The following GPATCH2L variants were observed in gnomAD, a reference collection of about 807,000 sequenced individuals.
GPATCH2L encodes the protein G-patch domain containing 2 like.
A neutral mutation model predicts 57.4 loss-of-function variants in GPATCH2L; 31 were observed. The ratio of observed to expected loss-of-function variants is 0.54; its 90% confidence interval spans 0.41 to 0.73. The LOEUF (loss-of-function observed/expected upper bound fraction) is 0.73, where lower values mean the gene tolerates loss of function less well. GPATCH2L is among the 30% of genes least tolerant of loss of function. The pLI, the probability that GPATCH2L is intolerant of heterozygous loss-of-function variation, is 0.00. For synonymous variants in GPATCH2L, 199 were observed against 210.7 expected, an observed-to-expected ratio of 0.94 and a Z score of 0.48; for missense variants, 481 against 599.9, an observed-to-expected ratio of 0.80 and a Z score of 2.07.
chr14:76,185,566 G>A (rs1020313580), intron 8 of GPATCH2L, among the ~76,000 whole-genome samples: 2 of 152,094 alleles, frequency 1.3e-5, no homozygotes, highest in African/African-American at 4.8e-5. Context: ...TCATGGCAGT[G>A]TTTTAGTTTT....
chr14:76,153,568 A>C (rs2038154345), intron 1 of GPATCH2L: 1 of 152,276 alleles, frequency 6.6e-6, no homozygotes, highest in African/African-American at 2.4e-5. Context: ...ACTGAAGCAC[A>C]TAACTAGGAC....
At chr14:76,173,961 C>A in intron 5 of GPATCH2L, 1 of 327,870 alleles carries the variant, frequency 3.0e-6, no homozygotes, top group Non-Finnish European at 5.5e-6. Context: ...CTCTTGGCTT[C>A]TTTATGACTC....
intron 9 of GPATCH2L, among the ~76,000 whole-genome samples, chr14:76,197,789 G>A (rs1303005741): frequency 6.6e-6 from 1 of 152,186 alleles, no homozygotes; most frequent in Non-Finnish European, 1.5e-5. Flanking sequence ...TCACCAGTGT[G>A]ATGAACAAGA....
In GPATCH2L at chr14:76,211,637, G is replaced by A. The variant is rs1051223371; in HGVS notation, c.*9786G>A. ...TCAAAGTTGTTCAACTACCAGTTAA[G>A]TTTTTTGGGCTTTGTTTCTCAGTAG... is the stretch of plus-strand genomic sequence containing the variant. On this transcript the variant is annotated 3_prime_UTR_variant, in exon 10 of 10. Transcript: ENST00000261530. 2.6e-5 allele frequency: 4 copies of A among 152,184 alleles called. No individual in the cohort carries two copies. Among genetic ancestry groups the A allele is most frequent in the Non-Finnish European group, 4.4e-5 (3 of 68,048 alleles). 9.4% of individuals were successfully genotyped at this position (152,184 alleles called of 1,614,324 possible). A position where few individuals can be genotyped will look rare whatever the true frequency, so the allele number is the denominator to read the frequency against.
intron 8 of GPATCH2L, among the ~76,000 whole-genome samples, chr14:76,189,657 T>C (rs1480252607): frequency 2.6e-5 from 4 of 152,158 alleles, no homozygotes; most frequent in Non-Finnish European, 4.4e-5. Flanking sequence ...AAGGATACTT[T>C]GATGTCTTCC....
chr14:76,182,898 C>T (rs1279561474), intron 8 of GPATCH2L, among the ~76,000 whole-genome samples: 3 of 152,186 alleles, frequency 2.0e-5, no homozygotes, highest in African/African-American at 7.2e-5. Flanking sequence ...TCATAGAAGA[C>T]AACAGGATTT....
chr14:76,178,243 G>A (rs2039418684), intron 7 of GPATCH2L: 1 of 1,503,482 alleles, frequency 6.7e-7, no homozygotes. Context: ...GAATGAATCT[G>A]ATTTGCATAT....
chr14:76,221,153 T>A, intron 1 of GPATCH2L, among the ~76,000 whole-genome samples: 1 of 141,954 alleles, frequency 7.0e-6, no homozygotes. Context: ...AAAGAACTCT[T>A]AAAACTCAGC....
chr14:76,232,011 A>ACTGCAGCCTCACTGCAGACTCACTGC, intron 2 of GPATCH2L, among the ~76,000 whole-genome samples: 1 of 150,440 alleles, frequency 6.6e-6, no homozygotes, highest in Non-Finnish European at 1.5e-5. Context: ...CTGCAGGCTC[A>ACTGCAGCCTCACTGCAGACTCACTGC]AGCAATCTTC....
intron 4 of GPATCH2L, among the ~76,000 whole-genome samples, 197 bp from the exon 5 acceptor site, chr14:76,173,349 G>A (rs2039172442): frequency 6.6e-6 from 1 of 152,026 alleles, no homozygotes; most frequent in Non-Finnish European, 1.5e-5. Flanking sequence ...CTAGGTCAAA[G>A]GTAAATGGCA....
chr14:76,160,236 A>G (rs1379581711), intron 2 of GPATCH2L, among the ~76,000 whole-genome samples: 1 of 152,194 alleles, frequency 6.6e-6, no homozygotes, highest in Non-Finnish European at 1.5e-5. Flanking sequence ...TGATTTTCTG[A>G]CTGAAACTGG....
chr14:76,199,938 G>A (rs2040267374), intron 9 of GPATCH2L, among the ~76,000 whole-genome samples: 1 of 152,134 alleles, frequency 6.6e-6, no homozygotes, highest in Non-Finnish European at 1.5e-5. Flanking sequence ...CTGGATGAAT[G>A]GATGAACACA....
chr14:76,154,785 C>T lies in GPATCH2L; in HGVS notation c.422C>T (p.Ala141Val), dbSNP rs113137278. 1.2e-6 allele frequency: 2 copies of T among 1,614,208 alleles called. No individual in the cohort carries two copies. Among genetic ancestry groups the T allele is most frequent in the Middle Eastern group, 1.6e-4 (1 of 6,062 alleles). ...AAGCGAGTGACATCAGAGGTGGCTG[C>T]TAGCCTTCAGCAGAAGCTGAAGGTG... is the stretch of plus-strand genomic sequence containing the variant. ...KVKRVTSEVA[A>V]SLQQKLKVSD... Residue 141 changes from alanine (A) to valine (V), a missense_variant, in exon 2 of 10, where the codon GCT becomes GTT. Coordinates refer to ENST00000261530, the MANE Select transcript of GPATCH2L (RefSeq NM_017926.4). This position sits in a 1 kb window ranked among gnomAD's most constrained non-coding sequence, Gnocchi z 4.4.
Position 76,178,047 on chromosome 14 carries a change from G to T in GPATCH2L, c.1107+5G>T, listed in dbSNP as rs747142571. 2 of 1,592,934 alleles carry T rather than the reference G, an allele frequency of 1.3e-6. No homozygotes were observed. The highest frequency in any genetic ancestry group is 1.7e-6 in the Non-Finnish European group (2 of 1,162,414). On this transcript the variant is annotated splice_donor_5th_base_variant and intron_variant, in intron 7 of 9. Coordinates refer to ENST00000261530, the MANE Select transcript of GPATCH2L (RefSeq NM_017926.4). Reference sequence around the variant, plus strand: ...ATTTCTGCTTGTGCACATGAGGTAAGGTTTCCTCTTTCTTGTTATTTTGAT... The same window carrying T: ...ATTTCTGCTTGTGCACATGAGGTAATGTTTCCTCTTTCTTGTTATTTTGAT...
chr14:76,179,320 C>T (rs2039468400), intron 7 of GPATCH2L: 1 of 152,088 alleles, frequency 6.6e-6, no homozygotes, highest in African/African-American at 2.4e-5. Flanking sequence ...AAGGACAAAG[C>T]TGAGCAAAAA....
rs1339196008 is a variant in GPATCH2L, at chr14:76,211,939, A to C, written c.*10088A>C. 2.0e-5 allele frequency: 3 copies of C among 152,072 alleles called. No homozygotes were observed. The highest frequency in any genetic ancestry group is 7.2e-5 in the African/African-American group (3 of 41,454). The allele number at this position is 152,072 out of a possible 1,614,324, so 9.4% of individuals were successfully genotyped here. A position where few individuals can be genotyped will look rare whatever the true frequency, so the allele number is the denominator to read the frequency against. On this transcript the variant is annotated 3_prime_UTR_variant, in exon 10 of 10. Coordinates refer to ENST00000261530, the MANE Select transcript of GPATCH2L (RefSeq NM_017926.4). ...ACCAGCATTTTAAATTAGGCGATGC[A>C]GTCTAGCTTTTGTACATAGAAATAA...
chr14:76,169,503 C>A (rs895912242), intron 3 of GPATCH2L, among the ~76,000 whole-genome samples: 1 of 152,144 alleles, frequency 6.6e-6, no homozygotes, highest in Non-Finnish European at 1.5e-5. Flanking sequence ...AGGTCAGGAG[C>A]CCGATCCACC....
In GPATCH2L at chr14:76,213,001, C is replaced by T. The variant is rs1271507642; in HGVS notation, c.*11150C>T. ...TCTGAGATACAAATAAAACAGTGCT[C>T]AGAGGAAAATTCATTGCCCTAAAAT... On this transcript the variant is annotated 3_prime_UTR_variant, in exon 10 of 10. Transcript: ENST00000261530. 2 of 151,706 alleles carry T rather than the reference C, an allele frequency of 1.3e-5. No individual in the cohort carries two copies. The highest frequency in any genetic ancestry group is 6.6e-5 in the Admixed American group (1 of 15,242). The allele number at this position is 151,706 out of a possible 1,614,324, so 9.4% of individuals were successfully genotyped here.
chr14:76,225,387 T>C (rs1023351730), intron 1 of GPATCH2L, among the ~76,000 whole-genome samples: 7 of 152,284 alleles, frequency 4.6e-5, no homozygotes, highest in African/African-American at 1.7e-4. Context: ...TATATGGTGC[T>C]GACTCAGTTG....
Sources: gnomAD v4.1 joint callset for allele counts (sites outside exome capture counted in the v4.1 genomes callset) on GRCh38, gnomAD v4.1.1 for gene constraint, Gnocchi (gnomAD v3.1) non-coding constraint, MANE v1.5 for transcripts, NCBI Gene and HGNC (gene_info 2026-07-23, HGNC 2026-07-21) for gene names.